Variants in TANC2 observed in about 807,000 individuals in gnomAD.
TANC2 encodes tetratricopeptide repeat, ankyrin repeat and coiled-coil containing 2.
TANC2 carries 26 observed loss-of-function variants against 210.5 expected under a neutral mutation model. The ratio of observed to expected loss-of-function variants is 0.12; its 90% confidence interval spans 0.09 to 0.17. TANC2 has a LOEUF of 0.17. Ranked by LOEUF, TANC2 falls within the 10% of genes least tolerant of loss-of-function variation. The pLI, the probability that TANC2 is intolerant of heterozygous loss-of-function variation, is 1.00. For missense variants in TANC2, 2,129 were observed against 2,608.9 expected (o/e 0.82, Z 4.01); for synonymous variants, 931 against 967.1 (o/e 0.96, Z 0.69).
chr17:63,259,992 C>T (rs1424501595), intron 8 of TANC2, among the ~76,000 whole-genome samples: 1 of 152,110 alleles, frequency 6.6e-6, no homozygotes, highest in Non-Finnish European at 1.5e-5. Flanking sequence ...ATATGATATA[C>T]AGGGTACATT....
chr17:63,203,766 T>C lies in TANC2; in HGVS notation c.769+2809T>C, dbSNP rs139636347. On this transcript the variant is annotated intron_variant, in intron 7 of 27. Coordinates refer to ENST00000689528, the Ensembl canonical transcript of TANC2. ...CATTCAAAGAGCAGGGAATTGGAAG[T>C]GGGAGAAGAATGAGCCAGTGGACAC... Among the ~76,000 whole-genome samples, 1,247 of 151,702 alleles carry C rather than the reference T, an allele frequency of 8.2e-3. 13 individuals carry two copies. Among genetic ancestry groups the C allele is most frequent in the African/African-American group, 0.028 (1,141 of 41,302 alleles).
At chr17:63,034,653 A>T (rs1376202123) in intron 2 of TANC2, among the ~76,000 whole-genome samples, 1 of 152,208 alleles carries the variant, frequency 6.6e-6, no homozygotes, top group Non-Finnish European at 1.5e-5. Flanking sequence ...GGAGGTCAAA[A>T]TGTCAACATT....
At chr17:63,397,024 C>G (rs1309141482) in intron 18 of TANC2, 1 of 151,668 alleles carries the variant, frequency 6.6e-6, no homozygotes, top group African/African-American at 2.4e-5. Context: ...CCTGTAATCC[C>G]AGCACTTTGG....
chr17:63,145,762 G>A (rs1237868794), intron 4 of TANC2, among the ~76,000 whole-genome samples: 1 of 152,012 alleles, frequency 6.6e-6, no homozygotes, highest in East Asian at 1.9e-4. Context: ...CTATATGTCT[G>A]TCTTTATGCC....
intron 9 of TANC2, among the ~76,000 whole-genome samples, chr17:63,280,990 G>A (rs2044042151): frequency 6.6e-6 from 1 of 152,124 alleles, no homozygotes. Context: ...ATAAAAACAT[G>A]TCTGAATTCC....
intron 7 of TANC2, among the ~76,000 whole-genome samples, chr17:63,201,812 C>T (rs928749121): frequency 4.2e-5 from 4 of 96,010 alleles, no homozygotes; most frequent in East Asian, 2.0e-4. Flanking sequence ...CAGAGCCAGA[C>T]GTGGACTGTT....
intron 8 of TANC2, among the ~76,000 whole-genome samples, chr17:63,263,317 T>C (rs2043425094): frequency 6.6e-6 from 1 of 152,124 alleles, no homozygotes; most frequent in African/African-American, 2.4e-5. Context: ...TTATATATTA[T>C]AACTAAATGA....
chr17:63,254,222 GTTATT>G (rs1229495182), intron 8 of TANC2, among the ~76,000 whole-genome samples: 1 of 151,146 alleles, frequency 6.6e-6, no homozygotes, highest in Non-Finnish European at 1.5e-5. Flanking sequence ...TGTATTCCTA[GTTATT>G]TTATTTGTGG....
intron 2 of TANC2, among the ~76,000 whole-genome samples, chr17:63,030,579 C>T (rs1280258615): frequency 1.3e-5 from 2 of 151,920 alleles, no homozygotes; most frequent in Non-Finnish European, 2.9e-5. Flanking sequence ...ACAGACACCC[C>T]ATGCCACCCC....
chr17:63,238,371 T>G (rs1437012458), intron 8 of TANC2, among the ~76,000 whole-genome samples: 2 of 152,222 alleles, frequency 1.3e-5, no homozygotes, highest in Non-Finnish European at 2.9e-5. Context: ...AAGTCTTTTC[T>G]CTCAATGAGA....
intron 11 of TANC2, among the ~76,000 whole-genome samples, chr17:63,334,403 A>G (rs1598878139): frequency 6.6e-6 from 1 of 152,304 alleles, no homozygotes; most frequent in East Asian, 1.9e-4. Context: ...CAAAATTAAT[A>G]TAGTATTGAA....
At chr17:63,356,410 C>A (rs983255126) in intron 14 of TANC2, among the ~76,000 whole-genome samples, 4 of 152,056 alleles carry the variant, frequency 2.6e-5, no homozygotes, top group African/African-American at 9.7e-5. Context: ...AAGAAGAGGC[C>A]AGATTTGACT....
chr17:63,380,639 C>T (rs563269671), intron 15 of TANC2, among the ~76,000 whole-genome samples: 112 of 152,292 alleles, frequency 7.4e-4, no homozygotes, highest in African/African-American at 2.5e-3. Flanking sequence ...GAATTCTTTT[C>T]CTGCCTCAGG....
chr17:63,223,281 C>T (rs2042243308), intron 7 of TANC2, among the ~76,000 whole-genome samples: 1 of 152,158 alleles, frequency 6.6e-6, no homozygotes, highest in African/African-American at 2.4e-5. Flanking sequence ...CAAGAAGGTT[C>T]TTGGCTTCTC....
intron 8 of TANC2, among the ~76,000 whole-genome samples, chr17:63,242,071 A>G (rs1305590362): frequency 2.6e-5 from 4 of 152,168 alleles, no homozygotes; most frequent in African/African-American, 4.8e-5. Flanking sequence ...GTGGTGGAGA[A>G]GTCTCTTAAT....
At chr17:63,406,242 G>A in exon 21 of TANC2, 1 of 1,613,904 alleles carries the variant, frequency 6.2e-7, no homozygotes, top group Non-Finnish European at 8.5e-7. Context: ...GCTTCCGAAG[G>A]CCATCTAGGA....
chr17:63,400,228 G>T (rs2048300299), intron 19 of TANC2, among the ~76,000 whole-genome samples: 1 of 152,250 alleles, frequency 6.6e-6, no homozygotes, highest in Non-Finnish European at 1.5e-5. Context: ...GCAGCAAAAA[G>T]AGTCGTGTCC....
chr17:63,255,224 C>T (rs2043160141), intron 8 of TANC2, among the ~76,000 whole-genome samples: 3 of 151,884 alleles, frequency 2.0e-5, no homozygotes, highest in Non-Finnish European at 1.5e-5. Flanking sequence ...CCTGCCTCAG[C>T]CTCCCGAGCA....
intron 19 of TANC2, among the ~76,000 whole-genome samples, chr17:63,401,919 T>C (rs2048356484): frequency 6.6e-6 from 1 of 152,214 alleles, no homozygotes; most frequent in African/African-American, 2.4e-5. Flanking sequence ...CCTAGATTAT[T>C]GCAGCTACCT....
Sources: gnomAD v4.1 joint callset for allele counts (sites outside exome capture counted in the v4.1 genomes callset) on GRCh38, gnomAD v4.1.1 for gene constraint, MANE v1.5 for transcripts, NCBI Gene and HGNC (gene_info 2026-07-23, HGNC 2026-07-21) for gene names.